CNTN5: variants seen among roughly 807,000 people sequenced by gnomAD.
The protein encoded by CNTN5 is contactin-5.
CNTN5 carries 77 observed loss-of-function variants against 129.1 expected under a neutral mutation model. That is an observed-to-expected ratio of 0.60 (90% confidence interval 0.50 to 0.72). The LOEUF (loss-of-function observed/expected upper bound fraction) is 0.72, where lower values mean the gene tolerates loss of function less well. Ranked by LOEUF, CNTN5 falls within the 30% of genes least tolerant of loss-of-function variation. CNTN5 has a pLI of 0.00. For missense variants in CNTN5, 1,478 were observed against 1,328.8 expected, an observed-to-expected ratio of 1.11 and a Z score of -1.75; for synonymous variants, 509 against 465.6, an observed-to-expected ratio of 1.09 and a Z score of -1.20.
chr11:99,784,540 G>T (rs552022876), intron 3 of CNTN5, among the ~76,000 whole-genome samples: 14 of 152,172 alleles, frequency 9.2e-5, no homozygotes, highest in African/African-American at 3.4e-4. Flanking sequence ...ACATATGTGT[G>T]CATGTGTCTT....
chr11:99,891,003 G>A (rs1281015668), intron 6 of CNTN5, among the ~76,000 whole-genome samples: 2 of 152,006 alleles, frequency 1.3e-5, no homozygotes, highest in East Asian at 3.9e-4. Context: ...CAAATAAAAG[G>A]GAAGTATGAG....
intron 22 of CNTN5, 100 bp from the exon 23 acceptor site, chr11:100,340,993 A>G: frequency 1.1e-6 from 1 of 888,408 alleles, no homozygotes; most frequent in Non-Finnish European, 1.8e-6. Context: ...TTGCCAGCCA[A>G]CTACTAAGCA....
intron 3 of CNTN5, among the ~76,000 whole-genome samples, chr11:99,738,397 T>C (rs913336015): frequency 7.2e-5 from 11 of 152,130 alleles, no homozygotes; most frequent in African/African-American, 2.2e-4. Context: ...AAATAAACTT[T>C]TATTGTTTAA....
At chr11:99,410,307 C>T (rs1461325081) in intron 2 of CNTN5, among the ~76,000 whole-genome samples, 1 of 152,068 alleles carries the variant, frequency 6.6e-6, no homozygotes, top group African/African-American at 2.4e-5. Context: ...AGGTCCTTTG[C>T]AATTTGTAGA....
intron 3 of CNTN5, among the ~76,000 whole-genome samples, chr11:99,703,176 A>G (rs1015569766): frequency 3.3e-4 from 44 of 132,392 alleles, no homozygotes; most frequent in Middle Eastern, 4.3e-3. Flanking sequence ...TTTAAGTTTT[A>G]ATTTCCTGAG....
chr11:99,401,837 G>A (rs1941827078), intron 2 of CNTN5, among the ~76,000 whole-genome samples: 1 of 133,244 alleles, frequency 7.5e-6, no homozygotes, highest in Admixed American at 7.9e-5. Context: ...AACTTTACTT[G>A]TTGCTACTGT....
chr11:99,541,983 AAG>A (rs1491011143), intron 2 of CNTN5, among the ~76,000 whole-genome samples: 21 of 121,772 alleles, frequency 1.7e-4, no homozygotes, highest in Middle Eastern at 4.1e-3. Context: ...AAAAAAAGAA[AAG>A]AAAAGAAAGA....
intron 3 of CNTN5, among the ~76,000 whole-genome samples, chr11:99,732,619 G>A (rs767721872): frequency 7.2e-5 from 11 of 152,174 alleles, no homozygotes; most frequent in Admixed American, 5.9e-4. Flanking sequence ...AGAAGGCCTG[G>A]CGGACTTGGC....
chr11:100,313,328 G>A (rs1951509259), intron 21 of CNTN5, among the ~76,000 whole-genome samples: 1 of 151,806 alleles, frequency 6.6e-6, no homozygotes, highest in Non-Finnish European at 1.5e-5. Flanking sequence ...GAGTGGGAGA[G>A]AAGCAGATGT....
At position 99,197,955 on chromosome 11, in the gene CNTN5, C is replaced by T. The variant is rs377604714; in HGVS notation, c.-209-127391C>T. On this transcript the variant is annotated intron_variant, in intron 1 of 24. Transcript: ENST00000524871. ...TTAAGAAATTCCAGTTGTGTCCAGA[C>T]AGACTTCTCTGATTGGCAAATTATT... Among the ~76,000 whole-genome samples, 6 of 152,170 alleles carry T rather than the reference C, an allele frequency of 3.9e-5. No individual in the cohort carries two copies. In the East Asian group the frequency reaches 5.8e-4, roughly 15 times the overall value.
chr11:99,714,447 A>G (rs187552828), intron 3 of CNTN5, among the ~76,000 whole-genome samples: 1 of 152,032 alleles, frequency 6.6e-6, no homozygotes, highest in African/African-American at 2.4e-5. Context: ...GTGTATTACA[A>G]AAGGAGTCTA....
intron 8 of CNTN5, among the ~76,000 whole-genome samples, chr11:99,972,934 G>A (rs780046673): frequency 1.5e-5 from 2 of 135,252 alleles, no homozygotes; most frequent in Non-Finnish European, 3.4e-5. Flanking sequence ...AATGTACTGA[G>A]TGTTTCCGTA....
At chr11:99,735,599 T>C (rs1943679480) in intron 3 of CNTN5, among the ~76,000 whole-genome samples, 2 of 152,224 alleles carry the variant, frequency 1.3e-5, no homozygotes. Context: ...TTTAGTAGAA[T>C]AAGCCAAATT....
At chr11:99,749,148 T>G (rs1944152727) in intron 3 of CNTN5, among the ~76,000 whole-genome samples, 1 of 152,220 alleles carries the variant, frequency 6.6e-6, no homozygotes, top group Non-Finnish European at 1.5e-5. Flanking sequence ...TTTGGCTTAC[T>G]GATGGTTCAG....
At chr11:100,347,964 C>T (rs1952323565) in intron 23 of CNTN5, among the ~76,000 whole-genome samples, 1 of 152,012 alleles carries the variant, frequency 6.6e-6, no homozygotes, top group Non-Finnish European at 1.5e-5. Context: ...ATAGAATAGC[C>T]ATTTTCAGAT....
intron 3 of CNTN5, among the ~76,000 whole-genome samples, chr11:99,738,456 T>C (rs1364545851): frequency 6.6e-6 from 1 of 152,154 alleles, no homozygotes; most frequent in Non-Finnish European, 1.5e-5. Context: ...GAAATTGAAA[T>C]AGGTGGTCCA....
chr11:99,795,451 T>C (rs146499534), intron 3 of CNTN5, among the ~76,000 whole-genome samples: 20 of 152,314 alleles, frequency 1.3e-4, no homozygotes, highest in African/African-American at 4.1e-4. Context: ...TTAAGAATCA[T>C]TTTCTGGGGA....
chr11:99,613,181 T>C (rs1950642867), intron 3 of CNTN5, among the ~76,000 whole-genome samples: 2 of 152,172 alleles, frequency 1.3e-5, no homozygotes, highest in Non-Finnish European at 2.9e-5. Flanking sequence ...TCTTGAATTG[T>C]AAGCACCATA....
rs11218286 is a variant in CNTN5 at position 99,067,680 on chromosome 11, T to C, written c.-210+46410T>C. 0.04 allele frequency among the ~76,000 whole-genome samples: 6,153 copies of C among 152,252 alleles called. 635 individuals carry two copies. The East Asian group carries it at 0.41, about 10-fold the overall frequency. On this transcript the variant is annotated intron_variant, in intron 1 of 24. Coordinates refer to ENST00000524871, the MANE Select transcript of CNTN5 (RefSeq NM_014361.4). ...CATTAGATCACTTTGTAAAACTAAA[T>C]TAATTTCAAAAGTTCAATTTCTGCC...
Sources: allele counts gnomAD v4.1 joint callset (sites outside exome capture counted in the v4.1 genomes callset), GRCh38; gene constraint gnomAD v4.1.1; transcripts MANE v1.5; gene names NCBI Gene and HGNC (gene_info 2026-07-23, HGNC 2026-07-21).